NTRK2: variants seen among roughly 807,000 people sequenced by gnomAD.
NTRK2 encodes neurotrophic receptor tyrosine kinase 2, also known as BDNF/NT-3 growth factors receptor.
In NTRK2, 13 loss-of-function variants were observed where a neutral mutation model predicts 94.5. The observed-to-expected ratio is 0.14, with a 90% CI of 0.09 to 0.22. The LOEUF (loss-of-function observed/expected upper bound fraction) is 0.22. Ranked by LOEUF, NTRK2 falls within the 10% of genes least tolerant of loss-of-function variation. The pLI, the probability that NTRK2 is intolerant of heterozygous loss-of-function variation, is 1.00. For synonymous variants in NTRK2, 372 were observed against 407.4 expected (o/e 0.91, Z 1.05); for missense variants, 639 against 1,071.2 (o/e 0.60, Z 5.63).
At chr9:84,955,867 A>C (rs1156931241) in intron 17 of NTRK2, among the ~76,000 whole-genome samples, 3 of 152,120 alleles carry the variant, frequency 2.0e-5, no homozygotes. Context: ...TTAATCACCT[A>C]CTTAAAGTCT....
chr9:84,996,188 C>T (rs763984927), intron 17 of NTRK2, among the ~76,000 whole-genome samples: 4 of 152,136 alleles, frequency 2.6e-5, no homozygotes, highest in Non-Finnish European at 5.9e-5. Flanking sequence ...ATATTAACCT[C>T]GGGAAAAAGC....
intron 6 of NTRK2, among the ~76,000 whole-genome samples, chr9:84,723,350 A>T (rs1178290337): frequency 1.3e-5 from 2 of 152,248 alleles, no homozygotes; most frequent in East Asian, 1.9e-4. Context: ...TGCTTTAAGT[A>T]ATGTGCATAA....
At chr9:84,888,840 A>G (rs1211635410) in intron 14 of NTRK2, among the ~76,000 whole-genome samples, 1 of 151,704 alleles carries the variant, frequency 6.6e-6, no homozygotes, top group Non-Finnish European at 1.5e-5. Flanking sequence ...TCAACCCATA[A>G]TAGCAAAAGC....
At chr9:84,926,106 T>TTCCCTCCTTCCTTCC (rs1564470625) in intron 14 of NTRK2, among the ~76,000 whole-genome samples, 1 of 108,782 alleles carries the variant, frequency 9.2e-6, no homozygotes, top group Admixed American at 9.2e-5. Flanking sequence ...CCTTCCTTCC[T>TTCCCTCCTTCCTTCC]TTCCTTCCTT....
At chr9:84,919,760 A>G (rs1357820259) in intron 14 of NTRK2, among the ~76,000 whole-genome samples, 1 of 152,220 alleles carries the variant, frequency 6.6e-6, no homozygotes, top group African/African-American at 2.4e-5. Context: ...AAATTGCTAA[A>G]TAGCAGTGGC....
chr9:84,813,454 T>C (rs2072035068), intron 12 of NTRK2: 1 of 1,064,856 alleles, frequency 9.4e-7, no homozygotes, highest in South Asian at 4.5e-5. Flanking sequence ...ACATGATCAT[T>C]GTTCTCTCAC....
chr9:84,867,134 C>G, intron 13 of NTRK2, 109 bp from the exon 14 acceptor site: 1 of 1,063,258 alleles, frequency 9.4e-7, no homozygotes, highest in African/African-American at 1.6e-5. Context: ...TGTGAATATA[C>G]TAAAACCCAC....
intron 10 of NTRK2, among the ~76,000 whole-genome samples, chr9:84,742,894 G>T (rs772635780): frequency 1.5e-5 from 2 of 136,234 alleles, no homozygotes; most frequent in Non-Finnish European, 3.1e-5. Flanking sequence ...TCCGCCTCCC[G>T]AGTTCAAGCG....
intron 12 of NTRK2, chr9:84,812,966 C>G: frequency 2.9e-6 from 3 of 1,033,274 alleles, no homozygotes; most frequent in Non-Finnish European, 3.5e-6. Context: ...TTTTTTTAAT[C>G]CCTGAAGGGA....
chr9:84,689,258 G>T (rs1021579052), intron 2 of NTRK2, among the ~76,000 whole-genome samples: 2 of 152,248 alleles, frequency 1.3e-5, no homozygotes, highest in African/African-American at 4.8e-5. Context: ...AATGGCGCTG[G>T]TTCCCTTATG....
intron 14 of NTRK2, among the ~76,000 whole-genome samples, chr9:84,906,561 G>A (rs138529674): frequency 2.5e-3 from 384 of 152,312 alleles, no homozygotes; most frequent in African/African-American, 8.8e-3. Context: ...ACTTGATTTG[G>A]TTCTTCCAGC....
intron 6 of NTRK2, among the ~76,000 whole-genome samples, chr9:84,717,979 C>A (rs1484237074): frequency 1.3e-5 from 2 of 152,062 alleles, no homozygotes; most frequent in Non-Finnish European, 2.9e-5. Context: ...TCCAGAGCTT[C>A]TTACAGAGCC....
intron 12 of NTRK2, among the ~76,000 whole-genome samples, chr9:84,802,264 C>T (rs1248992007): frequency 6.6e-6 from 1 of 151,972 alleles, no homozygotes; most frequent in African/African-American, 2.4e-5. Flanking sequence ...CTTAGCTGGC[C>T]CTCCATACTT....
intron 11 of NTRK2, among the ~76,000 whole-genome samples, chr9:84,745,748 G>A (rs186927467): frequency 6.6e-5 from 10 of 152,294 alleles, no homozygotes; most frequent in Non-Finnish European, 8.8e-5. Flanking sequence ...GAGCTTGTAG[G>A]TGGAGAAACA....
chr9:84,996,968 C>T (rs899545517), intron 17 of NTRK2, among the ~76,000 whole-genome samples: 1 of 152,188 alleles, frequency 6.6e-6, no homozygotes, highest in African/African-American at 2.4e-5. Flanking sequence ...GTGGCTGTTT[C>T]AATGCAGTAC....
intron 16 of NTRK2, among the ~76,000 whole-genome samples, chr9:84,952,050 G>A (rs564198744): frequency 6.6e-6 from 1 of 152,242 alleles, no homozygotes; most frequent in South Asian, 2.1e-4. Context: ...GTCTAATGAG[G>A]GGAAAAATAG....
intron 14 of NTRK2, among the ~76,000 whole-genome samples, chr9:84,916,729 G>C (rs550757281): frequency 1.3e-5 from 2 of 152,234 alleles, no homozygotes; most frequent in South Asian, 2.1e-4. Context: ...GCTGAGATTA[G>C]TCAAAGACCA....
At chr9:84,717,742 A>C (rs1334788837) in intron 6 of NTRK2, among the ~76,000 whole-genome samples, 1 of 152,240 alleles carries the variant, frequency 6.6e-6, no homozygotes, top group Non-Finnish European at 1.5e-5. Context: ...ATCATCAACA[A>C]GAATAGTTAG....
chr9:84,723,746 C>A (rs1450516159), intron 7 of NTRK2, 37 bp downstream of exon 7: 5 of 1,613,468 alleles, frequency 3.1e-6, no homozygotes, highest in Non-Finnish European at 4.2e-6. Flanking sequence ...AATAGAGAGA[C>A]AAGAGTGTTT....
Sources: allele counts gnomAD v4.1 joint callset (sites outside exome capture counted in the v4.1 genomes callset), GRCh38; gene constraint gnomAD v4.1.1; transcripts MANE v1.5; gene names NCBI Gene and HGNC (gene_info 2026-07-23, HGNC 2026-07-21).